WWOX: variants seen among roughly 807,000 people sequenced by gnomAD.
WWOX encodes the protein WW domain-containing oxidoreductase.
In WWOX, 69 loss-of-function variants were observed where a neutral mutation model predicts 46.2. The ratio of observed to expected loss-of-function variants is 1.49; its 90% CI spans 1.23 to 1.82. The LOEUF (loss-of-function observed/expected upper bound fraction) is 1.82, where lower values mean the gene tolerates loss of function less well. Ranked by LOEUF, WWOX falls within the 40% of genes most tolerant of loss-of-function variation. The probability of loss-of-function intolerance (pLI) is 0.00; values close to 1 mark genes in which losing one functional copy is unlikely to be tolerated. For synonymous variants in WWOX, 359 were observed against 202.6 expected (o/e 1.77, Z -6.56); for missense variants, 919 against 542.6 (o/e 1.69, Z -6.89).
chr16:78,364,869 C>G (rs1396239056), intron 5 of WWOX, among the ~76,000 whole-genome samples: 4 of 151,646 alleles, frequency 2.6e-5, no homozygotes, highest in African/African-American at 9.7e-5. Context: ...GTCGTTTTGG[C>G]CTTTTTCTGA....
In WWOX at chr16:79,089,975, G is replaced by T. The variant is rs990932755; in HGVS notation, c.1057-121633G>T. On this transcript the variant is annotated intron_variant, in intron 8 of 8. Coordinates refer to ENST00000566780, the MANE Select transcript of WWOX (RefSeq NM_016373.4). ...AGTGAACACTGGAAAAAAAAAAAAG[G>T]GGGGGCCGGCGAGCTTCAGGACCTA... 11 of 148,702 alleles carry T rather than the reference G, an allele frequency of 7.4e-5. No individual in the cohort carries two copies. The East Asian group carries it at 1.4e-3, about 18-fold the overall frequency. The allele number at this position is 148,702 out of a possible 1,614,324, so 9.2% of individuals were successfully genotyped here. A position where few individuals can be genotyped will look rare whatever the true frequency, so the allele number is the denominator to read the frequency against.
At chr16:78,169,143 C>A (rs138855125) in intron 5 of WWOX, among the ~76,000 whole-genome samples, 3 of 152,250 alleles carry the variant, frequency 2.0e-5, no homozygotes, top group African/African-American at 7.2e-5. Flanking sequence ...TCATTCACAT[C>A]CTTATGTGAA....
chr16:78,190,067 C>T (rs866471629), intron 5 of WWOX, among the ~76,000 whole-genome samples: 24 of 152,302 alleles, frequency 1.6e-4, no homozygotes, highest in Middle Eastern at 3.4e-3. Flanking sequence ...ATAGCTCCAT[C>T]TTAGGAACTA....
intron 8 of WWOX, among the ~76,000 whole-genome samples, chr16:78,785,261 G>T (rs551417581): frequency 1.3e-5 from 2 of 152,254 alleles, no homozygotes; most frequent in Admixed American, 1.3e-4. Flanking sequence ...TCCCACCTTC[G>T]ATGGGCAGGT....
intron 8 of WWOX, among the ~76,000 whole-genome samples, chr16:78,436,101 C>A (rs748012810): frequency 2.2e-4 from 33 of 152,182 alleles, no homozygotes; most frequent in Non-Finnish European, 4.3e-4. Flanking sequence ...TAGCTCAGTG[C>A]CTTTCGCATG....
intron 8 of WWOX, among the ~76,000 whole-genome samples, chr16:78,842,337 A>G (rs2052174801): frequency 6.6e-6 from 1 of 151,728 alleles, no homozygotes; most frequent in Non-Finnish European, 1.5e-5. Flanking sequence ...CTAAAAAAAA[A>G]AAAAAAAAAA....
At chr16:78,310,359 C>T (rs1024565893) in intron 5 of WWOX, among the ~76,000 whole-genome samples, 4 of 152,228 alleles carry the variant, frequency 2.6e-5, no homozygotes, top group Non-Finnish European at 5.9e-5. Flanking sequence ...CACACACAGC[C>T]TGCACTATGT....
intron 8 of WWOX, among the ~76,000 whole-genome samples, chr16:78,861,105 C>T (rs1208933890): frequency 1.3e-5 from 2 of 152,144 alleles, no homozygotes; most frequent in African/African-American, 2.4e-5. Context: ...TAGGTGTGAG[C>T]CACTGTGCAC....
intron 5 of WWOX, among the ~76,000 whole-genome samples, chr16:78,345,460 A>C (rs1199381414): frequency 2.3e-3 from 15 of 6,450 alleles, no homozygotes; most frequent in African/African-American, 5.6e-3. Context: ...ATCGCTACCA[A>C]AAAAAAAAAA....
chr16:78,884,566 G>C (rs2044413537), intron 8 of WWOX, among the ~76,000 whole-genome samples: 1 of 152,158 alleles, frequency 6.6e-6, no homozygotes, highest in South Asian at 2.1e-4. Context: ...TTACAGAGAT[G>C]ATGTTGAGAG....
intron 5 of WWOX, among the ~76,000 whole-genome samples, chr16:78,323,671 G>C (rs757731685): frequency 1.3e-5 from 2 of 152,174 alleles, no homozygotes; most frequent in Non-Finnish European, 2.9e-5. Flanking sequence ...GAACAGGGAA[G>C]GGTGGATTCC....
chr16:78,302,121 C>T (rs148499849), intron 5 of WWOX, among the ~76,000 whole-genome samples: 1,575 of 151,970 alleles, frequency 0.01, 29 homozygotes, highest in African/African-American at 0.034. Context: ...CCACCATGCC[C>T]GGCTAACTTT....
At chr16:78,848,172 C>G (rs1170153213) in intron 8 of WWOX, among the ~76,000 whole-genome samples, 3 of 152,270 alleles carry the variant, frequency 2.0e-5, no homozygotes, top group East Asian at 1.9e-4. Context: ...CTGGGTTTTG[C>G]AGGGGTTTAA....
At chr16:78,964,793 C>T (rs1416799813) in intron 8 of WWOX, among the ~76,000 whole-genome samples, 5 of 152,156 alleles carry the variant, frequency 3.3e-5, no homozygotes, top group Admixed American at 6.5e-5. Flanking sequence ...TTTCATGGGC[C>T]CAGCCCTGGG....
chr16:78,832,507 A>G (rs1016250524), intron 8 of WWOX, among the ~76,000 whole-genome samples: 2 of 152,322 alleles, frequency 1.3e-5, no homozygotes, highest in African/African-American at 4.8e-5. Context: ...ACTTGTGGGC[A>G]TATTCTAAGA....
chr16:78,694,329 C>T (rs554003389), intron 8 of WWOX, among the ~76,000 whole-genome samples: 3 of 152,336 alleles, frequency 2.0e-5, no homozygotes, highest in African/African-American at 7.2e-5. Flanking sequence ...CAAGCTGCGA[C>T]CATGGTCTTT....
chr16:78,106,725 C>CT (rs2032172602), intron 1 of WWOX, among the ~76,000 whole-genome samples: 2 of 151,858 alleles, frequency 1.3e-5, no homozygotes, highest in African/African-American at 2.4e-5. Flanking sequence ...CACAGAGCTG[C>CT]TTTTTTTTGC....
intron 8 of WWOX, among the ~76,000 whole-genome samples, chr16:79,039,405 C>T (rs1032707913): frequency 6.6e-6 from 1 of 152,146 alleles, no homozygotes; most frequent in African/African-American, 2.4e-5. Context: ...CATAGGAAGT[C>T]ACAGAACAGC....
chr16:78,838,343 A>G (rs895683121), intron 8 of WWOX, among the ~76,000 whole-genome samples: 6 of 152,168 alleles, frequency 3.9e-5, no homozygotes, highest in Non-Finnish European at 7.4e-5. Context: ...ACTTCAGAGG[A>G]GGCTTTAGGC....
Sources: allele counts gnomAD v4.1 joint callset (sites outside exome capture counted in the v4.1 genomes callset), GRCh38; gene constraint gnomAD v4.1.1; transcripts MANE v1.5; gene names NCBI Gene and HGNC (gene_info 2026-07-23, HGNC 2026-07-21).